Variants in CNTN3 observed in about 807,000 individuals in gnomAD.
CNTN3 encodes contactin-3.
Under a neutral mutation model 119.1 loss-of-function variants are expected in CNTN3, and 60 were observed. The observed-to-expected ratio is 0.50, with a 90% CI of 0.41 to 0.62. The LOEUF is 0.62. Ranked by LOEUF, CNTN3 falls within the 20% of genes least tolerant of loss-of-function variation. The probability of loss-of-function intolerance (pLI) is 0.00; values close to 1 mark genes in which losing one functional copy is unlikely to be tolerated. For synonymous variants in CNTN3, 450 were observed against 438.7 expected (o/e 1.03, Z -0.32); for missense variants, 1,101 against 1,242.4 (o/e 0.89, Z 1.71).
chr3:74,607,414 G>T (rs1034913040), intron 1 of CNTN3, among the ~76,000 whole-genome samples: 2 of 152,156 alleles, frequency 1.3e-5, no homozygotes, highest in East Asian at 3.9e-4. Context: ...TTTTAAAAGT[G>T]ACTATTTCTA....
At chr3:74,295,795 CT>C (rs1426436655) in intron 18 of CNTN3, among the ~76,000 whole-genome samples, 1 of 152,098 alleles carries the variant, frequency 6.6e-6, no homozygotes, top group African/African-American at 2.4e-5. Flanking sequence ...GTAAAAAGCA[CT>C]GTTGAGATTC....
At position 74,517,917 on chromosome 3, in the gene CNTN3, C is replaced by CCTA. The variant is rs565584158; in HGVS notation, c.55+3138_55+3140dup. Among the ~76,000 whole-genome samples, 6 of 152,064 alleles carry CCTA rather than the reference C, an allele frequency of 3.9e-5. No homozygotes were observed. The East Asian group carries it at 1.2e-3, about 30-fold the overall frequency. On this transcript the variant is annotated intron_variant, in intron 2 of 22. Coordinates refer to ENST00000263665, the MANE Select transcript of CNTN3 (RefSeq NM_020872.3). ...CCATTCTTTTGCTTTCAACAGACTTCCTACTCAGGGGTATTTAAAAACACT... is the reference window on the plus strand; with the variant it reads ...CCATTCTTTTGCTTTCAACAGACTTCCTACTACTCAGGGGTATTTAAAAACACT...
At chr3:74,266,152 T>C (rs948624041) in intron 22 of CNTN3, among the ~76,000 whole-genome samples, 1 of 152,062 alleles carries the variant, frequency 6.6e-6, no homozygotes, top group Non-Finnish European at 1.5e-5. Flanking sequence ...CTATTAAAGA[T>C]CTAAAAGAAA....
At chr3:74,434,572 A>G (rs1701836187) in intron 4 of CNTN3, among the ~76,000 whole-genome samples, 1 of 152,148 alleles carries the variant, frequency 6.6e-6, no homozygotes, top group Non-Finnish European at 1.5e-5. Flanking sequence ...TGTCCTGTGG[A>G]GTCAGACAAA....
chr3:74,611,756 T>C (rs1705085612), intron 1 of CNTN3, among the ~76,000 whole-genome samples: 2 of 152,212 alleles, frequency 1.3e-5, no homozygotes, highest in African/African-American at 2.4e-5. Flanking sequence ...TGCATATGCA[T>C]GTGTGCATAT....
intron 3 of CNTN3, among the ~76,000 whole-genome samples, chr3:74,498,912 C>T (rs1703111935): frequency 6.6e-6 from 1 of 151,798 alleles, no homozygotes; most frequent in Admixed American, 6.6e-5. Context: ...TAATTCATCT[C>T]TTCATGAAAG....
At chr3:74,443,125 C>T (rs1198615441) in intron 4 of CNTN3, among the ~76,000 whole-genome samples, 2 of 152,146 alleles carry the variant, frequency 1.3e-5, no homozygotes, top group African/African-American at 4.8e-5. Flanking sequence ...CTAAGGAGGA[C>T]AGTAGCAGCT....
At chr3:74,293,778 T>A (rs188039794) in intron 19 of CNTN3, among the ~76,000 whole-genome samples, 17 of 152,324 alleles carry the variant, frequency 1.1e-4, no homozygotes, top group Non-Finnish European at 2.1e-4. Flanking sequence ...CCTGGCTTAT[T>A]CTGCCCTCTT....
chr3:74,493,509 A>G (rs1703004858), intron 3 of CNTN3, among the ~76,000 whole-genome samples: 1 of 152,162 alleles, frequency 6.6e-6, no homozygotes, highest in African/African-American at 2.4e-5. Flanking sequence ...ACGCGAAAAG[A>G]ACAAAATAAC....
At chr3:74,276,717 CAAG>C (rs1297368281) in intron 20 of CNTN3, among the ~76,000 whole-genome samples, 1 of 152,028 alleles carries the variant, frequency 6.6e-6, no homozygotes, top group Non-Finnish European at 1.5e-5. Context: ...GGTCACACCT[CAAG>C]GAACTAGAGA....
chr3:74,396,814 G>A (rs11928614), intron 5 of CNTN3, among the ~76,000 whole-genome samples: 236 of 150,632 alleles, frequency 1.6e-3, no homozygotes, highest in African/African-American at 5.6e-3. Context: ...GAAGCTAGCA[G>A]AGGTTTATGA....
rs192923568 is a variant in CNTN3, at chr3:74,459,566, T to G, written c.358+26890A>C. 6.3e-4 allele frequency among the ~76,000 whole-genome samples: 96 copies of G among 152,094 alleles called. 1 individual carries two copies. The highest frequency in any genetic ancestry group is 7.7e-4 in the Non-Finnish European group (52 of 67,948). The stretch of plus-strand genomic sequence containing the variant: ...TCTGTAAATTCTAGGGTTCAAACAT[T>G]AAACTTCTTTCAGAACTCTGCATGT... On this transcript the variant is annotated intron_variant, in intron 4 of 22. Transcript: ENST00000263665.
intron 4 of CNTN3, among the ~76,000 whole-genome samples, chr3:74,437,475 T>TA (rs903149307): frequency 1.1e-4 from 17 of 150,638 alleles, no homozygotes; most frequent in South Asian, 2.1e-4. Flanking sequence ...AAAATAAAAA[T>TA]AAAAAAAAAC....
chr3:74,292,831 A>G (rs1169875204), intron 19 of CNTN3, among the ~76,000 whole-genome samples: 1 of 152,036 alleles, frequency 6.6e-6, no homozygotes, highest in Admixed American at 6.6e-5. Context: ...CTATATCTTT[A>G]CCTCCATTGC....
At chr3:74,394,256 C>G (rs1704989116) in intron 5 of CNTN3, among the ~76,000 whole-genome samples, 2 of 152,130 alleles carry the variant, frequency 1.3e-5, no homozygotes, top group East Asian at 3.9e-4. Flanking sequence ...AAGGAAAAAA[C>G]TGCATCTGAT....
chr3:74,326,855 G>T (rs908989632), intron 13 of CNTN3, among the ~76,000 whole-genome samples: 1 of 151,948 alleles, frequency 6.6e-6, no homozygotes. Flanking sequence ...TTTGTGTGTA[G>T]CCTCACCTTG....
chr3:74,538,596 T>C (rs181493129), intron 1 of CNTN3, among the ~76,000 whole-genome samples: 3 of 152,276 alleles, frequency 2.0e-5, no homozygotes, highest in African/African-American at 7.2e-5. Context: ...TCTATTTTAT[T>C]GGAGCATGTG....
At chr3:74,322,649 C>T (rs1703024659) in intron 13 of CNTN3, among the ~76,000 whole-genome samples, 1 of 152,156 alleles carries the variant, frequency 6.6e-6, no homozygotes, top group Non-Finnish European at 1.5e-5. Context: ...TTGGTACTTA[C>T]CAAAATGAAC....
intron 4 of CNTN3, among the ~76,000 whole-genome samples, chr3:74,471,573 T>A (rs1189078352): frequency 6.6e-6 from 1 of 152,168 alleles, no homozygotes; most frequent in Non-Finnish European, 1.5e-5. Context: ...TGCCACTGTT[T>A]ATGGGCCTCT....
Sources: gnomAD v4.1 joint callset for allele counts (sites outside exome capture counted in the v4.1 genomes callset) on GRCh38, gnomAD v4.1.1 for gene constraint, MANE v1.5 for transcripts, NCBI Gene and HGNC (gene_info 2026-07-23, HGNC 2026-07-21) for gene names.